The following SPECC1 variants were observed in gnomAD, a reference collection of about 807,000 sequenced individuals.
SPECC1 encodes the protein cytospin-B.
SPECC1 carries 62 observed loss-of-function variants against 104.1 expected under a neutral mutation model. That is an observed-to-expected ratio of 0.60 (90% CI 0.49 to 0.74). The LOEUF is 0.74. Among genes scored for constraint, SPECC1 ranks in the 30% least tolerant of loss-of-function variants. The pLI, the probability that SPECC1 is intolerant of heterozygous loss-of-function variation, is 0.00. For synonymous variants in SPECC1, 513 were observed against 501.6 expected, an observed-to-expected ratio of 1.02 and a Z score of -0.30; for missense variants, 1,306 against 1,310.5, an observed-to-expected ratio of 1.00 and a Z score of 0.05.
chr17:20,021,640 A>G (rs2044378249), intron 1 of SPECC1, among the ~76,000 whole-genome samples: 1 of 149,582 alleles, frequency 6.7e-6, no homozygotes, highest in Non-Finnish European at 1.5e-5. Context: ...CCAGCAGCAC[A>G]CAAGGATTCC....
chr17:20,143,127 C>T (rs888903904), intron 3 of SPECC1, among the ~76,000 whole-genome samples: 1 of 151,378 alleles, frequency 6.6e-6, no homozygotes, highest in African/African-American at 2.4e-5. Flanking sequence ...ATCTGAAACA[C>T]CACGTCTTAG....
At chr17:20,061,403 T>C (rs1235533054) in intron 1 of SPECC1, among the ~76,000 whole-genome samples, 7 of 152,164 alleles carry the variant, frequency 4.6e-5, no homozygotes, top group Non-Finnish European at 8.8e-5. Flanking sequence ...GAATTCCCAG[T>C]GTAGCTTTTG....
intron 1 of SPECC1, among the ~76,000 whole-genome samples, chr17:20,022,410 T>G (rs1378516427): frequency 6.6e-6 from 1 of 152,228 alleles, no homozygotes; most frequent in Non-Finnish European, 1.5e-5. Flanking sequence ...ATTAGCCCCT[T>G]GTTGATGTTT....
At chr17:20,150,637 CAA>C (rs576739649) in intron 3 of SPECC1, among the ~76,000 whole-genome samples, 9 of 129,924 alleles carry the variant, frequency 6.9e-5, no homozygotes, top group Admixed American at 7.8e-5. Context: ...AACTCTGTCT[CAA>C]AAAAAAAAAA....
intron 12 of SPECC1, among the ~76,000 whole-genome samples, chr17:20,269,175 C>G (rs1297089545): frequency 6.6e-6 from 1 of 152,226 alleles, no homozygotes; most frequent in Non-Finnish European, 1.5e-5. Context: ...AAAGACTTAA[C>G]CCAGTAGGCC....
At position 20,040,382 on chromosome 17, in the gene SPECC1, A is replaced by G. The variant is rs1438086040; in HGVS notation, c.-22+30958A>G. ...TTAGAAGTCTTAAGAGGAGATAGAAATTTTATTGTAATTACATGTATTTTT... is the reference window on the plus strand; with the variant it reads ...TTAGAAGTCTTAAGAGGAGATAGAAGTTTTATTGTAATTACATGTATTTTT... On this transcript the variant is annotated intron_variant, in intron 1 of 14. Transcript: ENST00000395527. Among the ~76,000 whole-genome samples the G allele has an allele frequency of 2.0e-5, 3 of 152,290 alleles. No individual in the cohort carries two copies. The East Asian group carries it at 5.8e-4, about 29-fold the overall frequency.
intron 1 of SPECC1, among the ~76,000 whole-genome samples, chr17:20,021,519 C>A (rs893336786): frequency 6.6e-6 from 1 of 151,756 alleles, no homozygotes; most frequent in African/African-American, 2.4e-5. Flanking sequence ...TGTGAGAATT[C>A]TTTGGGATTT....
intron 3 of SPECC1, among the ~76,000 whole-genome samples, chr17:20,133,091 A>C (rs2049740661): frequency 6.6e-6 from 1 of 151,916 alleles, no homozygotes; most frequent in African/African-American, 2.4e-5. Context: ...GAGTCTGTGG[A>C]GTCTGTAGTG....
intron 1 of SPECC1, among the ~76,000 whole-genome samples, chr17:20,057,170 G>T (rs550508505): frequency 2.6e-5 from 4 of 152,120 alleles, no homozygotes; most frequent in Admixed American, 6.5e-5. Context: ...GGCCGGGTGC[G>T]GTGGCTCATG....
intron 3 of SPECC1, among the ~76,000 whole-genome samples, chr17:20,188,291 C>T (rs1008452978): frequency 8.0e-5 from 12 of 150,102 alleles, no homozygotes; most frequent in African/African-American, 2.9e-4. Flanking sequence ...CAGAGTCTCA[C>T]TTTGTCACCC....
At chr17:20,088,185 G>C (rs1050580771) in intron 1 of SPECC1, among the ~76,000 whole-genome samples, 3 of 152,216 alleles carry the variant, frequency 2.0e-5, no homozygotes, top group African/African-American at 4.8e-5. Context: ...GAAGCCACTG[G>C]GGGGTTCTGT....
intron 3 of SPECC1, among the ~76,000 whole-genome samples, chr17:20,192,474 C>T (rs1372493962): frequency 6.6e-6 from 1 of 152,146 alleles, no homozygotes; most frequent in Non-Finnish European, 1.5e-5. Flanking sequence ...GCAACCCTCT[C>T]CTAGTGTCAT....
At position 20,131,331 on chromosome 17, in the gene SPECC1, A is replaced by G. The variant is rs1279006567; in HGVS notation, c.283+20769A>G. Among the ~76,000 whole-genome samples the G allele has an allele frequency of 3.3e-5, 5 of 152,042 alleles. No individual in the cohort carries two copies. The East Asian group carries it at 9.7e-4, about 30-fold the overall frequency. ...CTTAGCCTCCTGAGTAGGTGGGATT[A>G]CAGGCATGCTAATTTTTTTGTATTT... On this transcript the variant is annotated intron_variant, in intron 3 of 14. Coordinates refer to ENST00000395527, the MANE Select transcript of SPECC1 (RefSeq NM_001243439.2).
At chr17:20,074,956 G>A (rs2046699699) in intron 1 of SPECC1, among the ~76,000 whole-genome samples, 1 of 152,076 alleles carries the variant, frequency 6.6e-6, no homozygotes, top group Admixed American at 6.5e-5. Flanking sequence ...AGGCTGGAGT[G>A]CAGTGTCTTG....
At chr17:20,047,157 G>T (rs2045571106) in intron 1 of SPECC1, among the ~76,000 whole-genome samples, 1 of 152,248 alleles carries the variant, frequency 6.6e-6, no homozygotes, top group Admixed American at 6.5e-5. Flanking sequence ...GAGAATGCTT[G>T]TGTTCTTTCA....
chr17:20,298,918 CAAAA>C (rs1420381373), intron 13 of SPECC1, among the ~76,000 whole-genome samples: 3 of 66,474 alleles, frequency 4.5e-5, no homozygotes, highest in Admixed American at 1.7e-4. Context: ...AAAGCAGAAC[CAAAA>C]GAGAGAGAGA....
chr17:20,201,996 CTAA>C (rs1383601259), intron 3 of SPECC1, among the ~76,000 whole-genome samples: 2 of 152,064 alleles, frequency 1.3e-5, no homozygotes, highest in Non-Finnish European at 2.9e-5. Flanking sequence ...CATGTAGATA[CTAA>C]TAATCAGTTT....
At chr17:20,178,777 G>A (rs142817282) in intron 3 of SPECC1, among the ~76,000 whole-genome samples, 1 of 152,272 alleles carries the variant, frequency 6.6e-6, no homozygotes, top group Admixed American at 6.5e-5. Context: ...AGTAACAGAT[G>A]GAAAATACAT....
intron 4 of SPECC1, among the ~76,000 whole-genome samples, chr17:20,220,557 A>G (rs912612923): frequency 1.0e-5 from 1 of 98,118 alleles, no homozygotes; most frequent in African/African-American, 5.0e-5. Flanking sequence ...AGTTCTTAAT[A>G]GTTTTTTTTT....
Sources: allele counts gnomAD v4.1 joint callset (sites outside exome capture counted in the v4.1 genomes callset), GRCh38; gene constraint gnomAD v4.1.1; transcripts MANE v1.5; gene names NCBI Gene and HGNC (gene_info 2026-07-23, HGNC 2026-07-21).